CD163L1: variants seen among roughly 807,000 people sequenced by gnomAD.
The protein encoded by CD163L1 is scavenger receptor cysteine-rich type 1 protein M160.
A neutral mutation model predicts 165.4 loss-of-function variants in CD163L1; 124 were observed. That is an observed-to-expected ratio of 0.75 (90% CI 0.65 to 0.87). The LOEUF (loss-of-function observed/expected upper bound fraction) is 0.87, where lower values mean the gene tolerates loss of function less well. Ranked by LOEUF, CD163L1 falls within the 40% of genes least tolerant of loss-of-function variation. The pLI is 0.00. For missense variants in CD163L1, 1,525 were observed against 1,799.9 expected (o/e 0.85, Z 2.76); for synonymous variants, 585 against 662.2 (o/e 0.88, Z 1.79).
chr12:7,393,777 A>G (rs1340960494), intron 8 of CD163L1, among the ~76,000 whole-genome samples: 1 of 152,198 alleles, frequency 6.6e-6, no homozygotes, highest in Non-Finnish European at 1.5e-5. Context: ...ATACACAAAT[A>G]ACAGACAAAC....
At chr12:7,360,944 G>A (rs992578023) in intron 18 of CD163L1, among the ~76,000 whole-genome samples, 4 of 145,070 alleles carry the variant, frequency 2.8e-5, no homozygotes, top group African/African-American at 9.8e-5. Context: ...GGAGAAAGTG[G>A]GTTTTTGGTT....
At chr12:7,388,835 A>G (rs1187454054) in intron 8 of CD163L1, among the ~76,000 whole-genome samples, 1 of 152,184 alleles carries the variant, frequency 6.6e-6, no homozygotes, top group East Asian at 1.9e-4. Flanking sequence ...TCAAAAAACT[A>G]AAAATAGAAC....
chr12:7,357,294 A>G, intron 19 of CD163L1, 86 bp downstream of exon 19: 2 of 802,166 alleles, frequency 2.5e-6, no homozygotes. Flanking sequence ...ATATGGTAAT[A>G]TAAATATTGG....
downstream of CD163L1, among the ~76,000 whole-genome samples, chr12:7,351,610 A>C (rs1212911770): frequency 6.6e-6 from 1 of 152,182 alleles, no homozygotes; most frequent in African/African-American, 2.4e-5. Flanking sequence ...TTAGGGATTC[A>C]ACATATGAAT....
intron 4 of CD163L1, among the ~76,000 whole-genome samples, chr12:7,422,654 A>T (rs1361019523): frequency 1.3e-5 from 2 of 149,994 alleles, no homozygotes; most frequent in African/African-American, 4.9e-5. Flanking sequence ...ATATATATTC[A>T]TATATATCTC....
rs1947111915 is a variant in CD163L1 at position 7,369,966 on chromosome 12, C to T, written c.3731-301G>A. ...CATATTGATTTCATTTTCCAAATTT[C>T]AGTGTCCTATCTGACCCAAACATCC... is the stretch of plus-strand genomic sequence containing the variant. On this transcript the variant is annotated intron_variant, in intron 14 of 19. Coordinates refer to ENST00000313599, the MANE Select transcript of CD163L1 (RefSeq NM_174941.6). The surrounding 1 kb of genome is among the most constrained non-coding windows in gnomAD (Gnocchi z 4.9). Among the ~76,000 whole-genome samples, 1 of 152,178 alleles carries T rather than the reference C, an allele frequency of 6.6e-6. No individual in the cohort carries two copies. The highest frequency in any genetic ancestry group is 6.5e-5 in the Admixed American group (1 of 15,282).
intron 2 of CD163L1, among the ~76,000 whole-genome samples, chr12:7,436,846 T>A (rs780870318): frequency 6.6e-6 from 1 of 152,064 alleles, no homozygotes; most frequent in African/African-American, 2.4e-5. Context: ...ATTACTGAAA[T>A]ACAAAGCAAT....
rs71067187 is a variant in CD163L1, at chr12:7,386,604, C to CAAA, written c.2051-7309_2051-7307dup. Among the ~76,000 whole-genome samples the CAAA allele has an allele frequency of 6.8e-5, 8 of 117,474 alleles. 1 individual carries two copies. In the Middle Eastern group the frequency reaches 0.013, roughly 187 times the overall value. The allele number at this position is 117,474 out of a possible 152,430, so 77.1% of individuals were successfully genotyped here. A position where few individuals can be genotyped will look rare whatever the true frequency, so the allele number is the denominator to read the frequency against. ...CAGCAAGCCAAATCCGTCAACATAT[C>CAAA]AAAAAAAAAAAAAAAAACAGTATAG... is the stretch of plus-strand genomic sequence containing the variant. On this transcript the variant is annotated intron_variant, in intron 8 of 19. Coordinates refer to ENST00000313599, the MANE Select transcript of CD163L1 (RefSeq NM_174941.6).
At chr12:7,342,117 C>G (rs1008792544), downstream of CD163L1, among the ~76,000 whole-genome samples, 1 of 152,154 alleles carries the variant, frequency 6.6e-6, no homozygotes, top group Non-Finnish European at 1.5e-5. Context: ...GGAACAGGCC[C>G]CCCAAAATCT....
At chr12:7,412,272 G>T (rs1948152075) in intron 4 of CD163L1, among the ~76,000 whole-genome samples, 1 of 152,070 alleles carries the variant, frequency 6.6e-6, no homozygotes, top group South Asian at 2.1e-4. Flanking sequence ...TAAATCTTTT[G>T]GCTGAAACTT....
At chr12:7,392,663 T>C (rs143388563) in intron 8 of CD163L1, among the ~76,000 whole-genome samples, 161 of 152,190 alleles carry the variant, frequency 1.1e-3, no homozygotes, top group African/African-American at 3.6e-3. Flanking sequence ...ATCAACAAAA[T>C]TGATAGACCG....
chr12:7,373,999 C>A (rs1434433673), intron 13 of CD163L1, among the ~76,000 whole-genome samples: 2 of 152,196 alleles, frequency 1.3e-5, no homozygotes, highest in Admixed American at 1.3e-4. Context: ...TTCTTAGTTT[C>A]TGCTTCTGGT....
At chr12:7,378,449 T>C (rs577863733) in intron 9 of CD163L1, among the ~76,000 whole-genome samples, 6 of 152,192 alleles carry the variant, frequency 3.9e-5, no homozygotes, top group Non-Finnish European at 8.8e-5. Context: ...CACTTTAGAA[T>C]AAAGTTCACA....
At chr12:7,351,603 G>A (rs1350223252), downstream of CD163L1, among the ~76,000 whole-genome samples, 1 of 152,108 alleles carries the variant, frequency 6.6e-6, no homozygotes, top group African/African-American at 2.4e-5. Flanking sequence ...GCAGAGGTTA[G>A]GGATTCAACA....
Position 7,404,998 on chromosome 12 carries a change from G to A in CD163L1, c.1088-1143C>T, listed in dbSNP as rs555701800. On this transcript the variant is annotated intron_variant, in intron 5 of 19. Coordinates refer to ENST00000313599, the MANE Select transcript of CD163L1 (RefSeq NM_174941.6). ...GGAAAAAAAAATCCTCTGACTACAG[G>A]GCTGAAGAGAAGGCCAATGTATCTA... 8.7e-4 allele frequency among the ~76,000 whole-genome samples: 132 copies of A among 152,188 alleles called. 1 individual carries two copies. The highest frequency in any genetic ancestry group is 1.6e-3 in the Non-Finnish European group (107 of 67,996).
chr12:7,441,090 G>T, intron 2 of CD163L1, 64 bp downstream of exon 2: 1 of 1,113,312 alleles, frequency 9.0e-7, no homozygotes, highest in Non-Finnish European at 1.4e-6. Flanking sequence ...ACTTAGGGTA[G>T]TGAGTAGGGG....
At chr12:7,337,088 T>TA in the CD163L1 span, among the ~76,000 whole-genome samples, 1 of 152,038 alleles carries the variant, frequency 6.6e-6, no homozygotes, top group Non-Finnish European at 1.5e-5. Flanking sequence ...CACTATTTAA[T>TA]AATGATGTTG....
chr12:7,351,284 T>C (rs999819959), downstream of CD163L1, among the ~76,000 whole-genome samples: 8 of 152,170 alleles, frequency 5.3e-5, no homozygotes, highest in Admixed American at 6.6e-5. Flanking sequence ...TGAGTACGTC[T>C]TAGCTTGAGC....
intron 2 of CD163L1, among the ~76,000 whole-genome samples, chr12:7,438,522 T>C (rs1252226923): frequency 6.6e-6 from 1 of 152,192 alleles, no homozygotes; most frequent in Non-Finnish European, 1.5e-5. Flanking sequence ...ATGCTCCATA[T>C]ATCATCTGAG....
Sources: gnomAD v4.1 joint callset for allele counts (sites outside exome capture counted in the v4.1 genomes callset) on GRCh38, gnomAD v4.1.1 for gene constraint, Gnocchi (gnomAD v3.1) non-coding constraint, MANE v1.5 for transcripts, NCBI Gene and HGNC (gene_info 2026-07-23, HGNC 2026-07-21) for gene names.